The following SLC30A6 variants were observed in gnomAD, a reference collection of about 807,000 sequenced individuals.
The protein encoded by SLC30A6 is zinc transporter 6.
In SLC30A6, 55 loss-of-function variants were observed where a neutral mutation model predicts 63.0. The ratio of observed to expected loss-of-function variants is 0.87; its 90% CI spans 0.70 to 1.09. The LOEUF is 1.09. SLC30A6 is among the 50% of genes least tolerant of loss of function. The probability of loss-of-function intolerance (pLI) is 0.00; values close to 1 mark genes in which losing one functional copy is unlikely to be tolerated. For synonymous variants in SLC30A6, 224 were observed against 186.1 expected (o/e 1.20, Z -1.66); for missense variants, 587 against 549.2 (o/e 1.07, Z -0.69).
At chr2:32,219,035 C>G (rs1415604734) in intron 13 of SLC30A6, among the ~76,000 whole-genome samples, 2 of 152,008 alleles carry the variant, frequency 1.3e-5, no homozygotes, top group African/African-American at 4.8e-5. Flanking sequence ...TATTACCTAC[C>G]TATCATTTTT....
intron 10 of SLC30A6, among the ~76,000 whole-genome samples, chr2:32,200,585 G>A (rs1684200182): frequency 1.3e-5 from 2 of 151,066 alleles, no homozygotes; most frequent in Non-Finnish European, 2.9e-5. Flanking sequence ...AACATGTGCT[G>A]TGTCCACTCA....
Position 32,185,515 on chromosome 2 carries a change from A to G in SLC30A6, c.284+1177A>G, listed in dbSNP as rs1361319368. On this transcript the variant is annotated intron_variant, in intron 5 of 13. Transcript: ENST00000282587. ...TTTACCTGAAGAGGCATATCGACCAAGGAATTTCACTTTAGTAAAGAAACT... is the reference window on the plus strand; with the variant it reads ...TTTACCTGAAGAGGCATATCGACCAGGGAATTTCACTTTAGTAAAGAAACT... Among the ~76,000 whole-genome samples the G allele has an allele frequency of 2.6e-5, 4 of 152,286 alleles. No individual in the cohort carries two copies. In the East Asian group the frequency reaches 7.7e-4, roughly 29 times the overall value.
At chr2:32,201,563 G>T in intron 10 of SLC30A6, 5 of 1,225,140 alleles carry the variant, frequency 4.1e-6, no homozygotes, top group Non-Finnish European at 5.6e-6. Context: ...AGGTGGTTGT[G>T]GCCACTGTGC....
chr2:32,192,953 C>A lies in SLC30A6; in HGVS notation c.401C>A (p.Thr134Lys), dbSNP rs763286502. 2.0e-6 allele frequency: 3 copies of A among 1,506,772 alleles called. No homozygotes were observed. The highest frequency in any genetic ancestry group is 2.7e-6 in the Non-Finnish European group (3 of 1,110,290). The allele number at this position is 1,506,772 out of a possible 1,614,324, so 93.3% of individuals were successfully genotyped here. Residue 134 changes from threonine (T) to lysine (K), a missense_variant and splice_region_variant, in exon 7 of 14, where the codon ACG becomes AAG. Transcript: ENST00000282587. ...ERFLEQPEIH[T>K]GRLLVGTFVA... ...TTTTTGGAACAGCCCGAGATACACA[C>A]GTGAGATTTTATTTTCAATATATAA...
At chr2:32,179,227 G>A (rs893698682) in intron 4 of SLC30A6, among the ~76,000 whole-genome samples, 2 of 152,090 alleles carry the variant, frequency 1.3e-5, no homozygotes, top group African/African-American at 2.4e-5. Context: ...GGGCAATTTG[G>A]CAATATCAAT....
At chr2:32,197,307 C>G in intron 8 of SLC30A6, 37 bp from the exon 9 acceptor site, 8 of 1,536,726 alleles carry the variant, frequency 5.2e-6, no homozygotes, top group Non-Finnish European at 8.8e-7. Context: ...GTTTTTTTTT[C>G]TTCTATATAG....
intron 4 of SLC30A6, among the ~76,000 whole-genome samples, chr2:32,175,805 G>A (rs559634624): frequency 4.1e-4 from 62 of 152,078 alleles, no homozygotes; most frequent in Non-Finnish European, 7.9e-4. Context: ...GTGAAACCCC[G>A]TCTCTACTAA....
intron 13 of SLC30A6, among the ~76,000 whole-genome samples, chr2:32,210,553 A>G (rs1451132742): frequency 6.7e-6 from 1 of 149,152 alleles, no homozygotes; most frequent in Non-Finnish European, 1.5e-5. Context: ...AGAAAATGAG[A>G]TCATGCTGTT....
At chr2:32,198,617 C>T (rs530352917) in intron 10 of SLC30A6, among the ~76,000 whole-genome samples, 22 of 152,264 alleles carry the variant, frequency 1.4e-4, no homozygotes, top group African/African-American at 4.8e-4. Flanking sequence ...GAGTTTCGCT[C>T]TTGGTGCCCA....
intron 4 of SLC30A6, among the ~76,000 whole-genome samples, chr2:32,177,310 A>G (rs1483543409): frequency 1.3e-5 from 2 of 152,010 alleles, no homozygotes; most frequent in Non-Finnish European, 2.9e-5. Context: ...GCATATATCA[A>G]TAGTTACTCT....
intron 1 of SLC30A6, among the ~76,000 whole-genome samples, chr2:32,167,984 C>T (rs991935563): frequency 6.6e-6 from 1 of 152,154 alleles, no homozygotes; most frequent in Non-Finnish European, 1.5e-5. Context: ...ATGTATTTCA[C>T]CCTAATTCCC....
chr2:32,182,564 T>A (rs1310966567), intron 4 of SLC30A6, among the ~76,000 whole-genome samples: 1 of 152,158 alleles, frequency 6.6e-6, no homozygotes, highest in Admixed American at 6.6e-5. Context: ...GGGCAGAGGT[T>A]TAACTGGGCC....
rs866581332 is a variant in SLC30A6, at chr2:32,187,287, T to C, written c.284+2949T>C. ...GAGAGGAAATAATAAATTACTACTG[T>C]TAAAATAATATTTATGGTAGGCAAT... On this transcript the variant is annotated intron_variant, in intron 5 of 13. Coordinates refer to ENST00000282587, the MANE Select transcript of SLC30A6 (RefSeq NM_017964.5). 1.3e-5 allele frequency: 6 copies of C among 468,772 alleles called. No individual in the cohort carries two copies. The Middle Eastern group carries it at 1.9e-3, about 152-fold the overall frequency. 29.0% of individuals were successfully genotyped at this position (468,772 alleles called of 1,614,324 possible).
At chr2:32,166,486 A>G (rs1188922557) in intron 1 of SLC30A6, among the ~76,000 whole-genome samples, 1 of 152,250 alleles carries the variant, frequency 6.6e-6, no homozygotes, top group Non-Finnish European at 1.5e-5. Context: ...GTAGAAACTA[A>G]TGGAAGACCC....
intron 4 of SLC30A6, among the ~76,000 whole-genome samples, chr2:32,182,110 A>G (rs1406922233): frequency 6.6e-6 from 1 of 151,224 alleles, no homozygotes; most frequent in South Asian, 2.1e-4. Flanking sequence ...ATTTTTGTGT[A>G]TTTTTGTGGT....
chr2:32,203,730 A>C (rs1288070296), intron 10 of SLC30A6: 1 of 1,526,602 alleles, frequency 6.6e-7, no homozygotes, highest in Non-Finnish European at 9.1e-7. Flanking sequence ...CAGAAAGGTT[A>C]CAGGCAGAGT....
At chr2:32,201,515 G>A (rs1312447005) in intron 10 of SLC30A6, 7 of 597,074 alleles carry the variant, frequency 1.2e-5, no homozygotes, top group African/African-American at 3.9e-5. Flanking sequence ...CTGAGTGGCT[G>A]CCCTGCCCCT....
At chr2:32,218,788 C>T (rs1166795605) in intron 13 of SLC30A6, among the ~76,000 whole-genome samples, 1 of 152,052 alleles carries the variant, frequency 6.6e-6, no homozygotes. Flanking sequence ...AACTCCTGAC[C>T]TCAGGTGATC....
intron 4 of SLC30A6, among the ~76,000 whole-genome samples, chr2:32,177,100 G>A (rs963743124): frequency 1.3e-5 from 2 of 152,010 alleles, no homozygotes; most frequent in African/African-American, 2.4e-5. Context: ...CTCAAAAAGA[G>A]ACCACTCGCC....
Sources: allele counts gnomAD v4.1 joint callset (sites outside exome capture counted in the v4.1 genomes callset), GRCh38; gene constraint gnomAD v4.1.1; transcripts MANE v1.5; gene names NCBI Gene and HGNC (gene_info 2026-07-23, HGNC 2026-07-21).